TMEM181: variants seen among roughly 807,000 people sequenced by gnomAD.
The protein encoded by TMEM181 is transmembrane protein 181, also known as G protein-coupled receptor 178.
A neutral mutation model predicts 71.9 loss-of-function variants in TMEM181; 39 were observed. The ratio of observed to expected loss-of-function variants is 0.54; its 90% confidence interval spans 0.42 to 0.71. The LOEUF (loss-of-function observed/expected upper bound fraction) is 0.71. Among genes scored for constraint, TMEM181 ranks in the 30% least tolerant of loss-of-function variants. The pLI is 0.00. For synonymous variants in TMEM181, 245 were observed against 228.8 expected, an observed-to-expected ratio of 1.07 and a Z score of -0.64; for missense variants, 595 against 583.0, an observed-to-expected ratio of 1.02 and a Z score of -0.21.
chr6:158,572,453 G>A (rs746177045), intron 1 of TMEM181: 4 of 456,592 alleles, frequency 8.8e-6, no homozygotes, highest in Admixed American at 2.3e-5. Context: ...AACAGACAGC[G>A]CCGCACGTCC....
In TMEM181 at chr6:158,545,459, G is replaced by C. The variant is rs148266838; in HGVS notation, c.131+8594G>C. ...AGCTTGAGCGAAGGGCTGATCGCCT[G>C]CCTCTGGGAGCAGAGCTCTGAAGGC... On this transcript the variant is annotated intron_variant, in intron 1 of 16. Coordinates refer to the TMEM181 transcript ENST00000367090. 1.2e-3 allele frequency among the ~76,000 whole-genome samples: 181 copies of C among 152,378 alleles called. 4 individuals are homozygous for C. In the East Asian group the frequency reaches 0.03, roughly 25 times the overall value.
chr6:158,610,592 G>A lies in TMEM181; in HGVS notation c.896+1842G>A, dbSNP rs146592992. On this transcript the variant is annotated intron_variant, in intron 10 of 16. Coordinates refer to ENST00000684151, the MANE Select transcript of TMEM181 (RefSeq NM_001376852.1). Reference sequence around the variant, plus strand: ...ACACAGAGGCATCTCCTCTTGGAATGTTCTTCTTTGCTTCACCTCTTTTCC... The same window carrying A: ...ACACAGAGGCATCTCCTCTTGGAATATTCTTCTTTGCTTCACCTCTTTTCC... 2.4e-3 allele frequency: 994 copies of A among 407,558 alleles called. 5 individuals carry two copies. The highest frequency in any genetic ancestry group is 3.6e-3 in the Non-Finnish European group (876 of 242,146). 25.2% of individuals were successfully genotyped at this position (407,558 alleles called of 1,614,324 possible). A position where few individuals can be genotyped will look rare whatever the true frequency, so the allele number is the denominator to read the frequency against.
At chr6:158,561,067 G>T (rs1381187209) in intron 1 of TMEM181, among the ~76,000 whole-genome samples, 2 of 152,176 alleles carry the variant, frequency 1.3e-5, no homozygotes, top group Admixed American at 1.3e-4. Flanking sequence ...TCCAGGGCCG[G>T]CTCCCTGCAC....
At chr6:158,545,571 C>G (rs1312715792) in intron 1 of TMEM181, among the ~76,000 whole-genome samples, 1 of 152,092 alleles carries the variant, frequency 6.6e-6, no homozygotes, top group Non-Finnish European at 1.5e-5. Context: ...CGTTGTCCTG[C>G]CTTCTCTGCC....
At chr6:158,583,472 C>T (rs1783589625) in intron 3 of TMEM181, among the ~76,000 whole-genome samples, 1 of 152,000 alleles carries the variant, frequency 6.6e-6, no homozygotes, top group African/African-American at 2.4e-5. Context: ...GTCGTTTCTT[C>T]TTCTGAAAGG....
At chr6:158,608,056 G>T (rs927493694) in intron 8 of TMEM181, among the ~76,000 whole-genome samples, 1 of 152,248 alleles carries the variant, frequency 6.6e-6, no homozygotes, top group Admixed American at 6.5e-5. Context: ...TGGCTTTTAG[G>T]TGTTTTGGAA....
chr6:158,573,609 A>G lies in TMEM181; in HGVS notation c.112+86A>G, dbSNP rs560516161. On this transcript the variant is annotated intron_variant, in intron 2 of 16. Coordinates refer to ENST00000684151, the MANE Select transcript of TMEM181 (RefSeq NM_001376852.1). ...TTTCGGTCAGCCCAGCTGTGCCCCT[A>G]TCTTCCACTGCTAAGGGCCCCAGCG... 563 of 1,136,986 alleles carry G rather than the reference A, an allele frequency of 5.0e-4. 6 individuals are homozygous for G. The South Asian group carries it at 6.7e-3, about 14-fold the overall frequency. The allele number at this position is 1,136,986 out of a possible 1,614,324, so 70.4% of individuals were successfully genotyped here.
intron 2 of TMEM181, among the ~76,000 whole-genome samples, chr6:158,578,476 A>G (rs558854848): frequency 1.3e-5 from 2 of 152,376 alleles, no homozygotes; most frequent in South Asian, 4.1e-4. Flanking sequence ...TTTTCTACAT[A>G]GTTTAAGAGA....
chr6:158,589,391 G>C (rs1236732924), intron 5 of TMEM181, among the ~76,000 whole-genome samples: 1 of 152,186 alleles, frequency 6.6e-6, no homozygotes, highest in Non-Finnish European at 1.5e-5. Context: ...GGCTTGCGTT[G>C]CACTGTTAAC....
intron 1 of TMEM181, among the ~76,000 whole-genome samples, chr6:158,554,380 C>G (rs1176760622): frequency 6.6e-6 from 1 of 152,184 alleles, no homozygotes; most frequent in Non-Finnish European, 1.5e-5. Flanking sequence ...GCCACCGCGC[C>G]TGGCCATTTT....
chr6:158,594,524 T>G (rs1448355768), intron 6 of TMEM181, among the ~76,000 whole-genome samples: 2 of 152,230 alleles, frequency 1.3e-5, no homozygotes, highest in Non-Finnish European at 2.9e-5. Flanking sequence ...GCTCATTTCT[T>G]TTTATCATGG....
intron 10 of TMEM181, 129 bp downstream of exon 10, chr6:158,608,879 CT>C (rs1322564734): frequency 1.2e-6 from 1 of 844,934 alleles, no homozygotes; most frequent in African/African-American, 1.7e-5. Flanking sequence ...AGGCAAGTCA[CT>C]TGAGCTCAGG....
intron 2 of TMEM181, among the ~76,000 whole-genome samples, chr6:158,579,624 CAGG>C (rs1783359979): frequency 6.6e-6 from 1 of 151,886 alleles, no homozygotes; most frequent in Admixed American, 6.6e-5. Flanking sequence ...GAGGCTGAGG[CAGG>C]AGAATCGCTT....
At chr6:158,627,581 GGGGTGGCTGCCCCA>G (rs1319885342) in intron 13 of TMEM181, among the ~76,000 whole-genome samples, 1 of 150,580 alleles carries the variant, frequency 6.6e-6, no homozygotes, top group African/African-American at 2.4e-5. Flanking sequence ...TGAAAGCTGT[GGGGTGGCTGCCCCA>G]GGCCGCAGAA....
chr6:158,577,348 C>G (rs1370005997), intron 2 of TMEM181, among the ~76,000 whole-genome samples: 1 of 152,050 alleles, frequency 6.6e-6, no homozygotes, highest in Admixed American at 6.6e-5. Context: ...CAGATTTGAA[C>G]AGGTAGAGGA....
In TMEM181 at chr6:158,585,353, A is replaced by G. The variant is rs1394472588; in HGVS notation, c.309A>G (p.Val103=). The stretch of plus-strand genomic sequence containing the variant: ...CCATGACTGTTAAAGTCGATGGTGT[A>G]GCTCAAGATGGAACCACGATGTACA... ...SFPMTVKVDG[V]AQDGTTMYIH... The change falls in exon 5 of 17, where the codon GTA becomes GTG. Residue 103 remains valine, a synonymous_variant. Coordinates refer to ENST00000684151, the MANE Select transcript of TMEM181 (RefSeq NM_001376852.1). The G allele has an allele frequency of 3.1e-6, 5 of 1,611,538 alleles. No homozygotes were observed. The highest frequency in any genetic ancestry group is 4.2e-6 in the Non-Finnish European group (5 of 1,179,528).
At chr6:158,573,907 G>A (rs1352255921) in intron 2 of TMEM181, among the ~76,000 whole-genome samples, 2 of 152,180 alleles carry the variant, frequency 1.3e-5, no homozygotes, top group Non-Finnish European at 2.9e-5. Context: ...CAGCTGATGG[G>A]GAGGGGAGGA....
chr6:158,551,768 T>C (rs1041802971), intron 1 of TMEM181, among the ~76,000 whole-genome samples: 2 of 152,192 alleles, frequency 1.3e-5, no homozygotes, highest in Non-Finnish European at 2.9e-5. Flanking sequence ...TTTTGAAACA[T>C]TTGTATTGAT....
At chr6:158,549,859 G>T in intron 1 of TMEM181, among the ~76,000 whole-genome samples, 1 of 151,532 alleles carries the variant, frequency 6.6e-6, no homozygotes, top group East Asian at 1.9e-4. Context: ...TGTGGTTTTT[G>T]TAGAGTCTTT....
Sources: allele counts gnomAD v4.1 joint callset (sites outside exome capture counted in the v4.1 genomes callset), GRCh38; gene constraint gnomAD v4.1.1; transcripts MANE v1.5; gene names NCBI Gene and HGNC (gene_info 2026-07-23, HGNC 2026-07-21).